The following CWC22 variants were observed in gnomAD, a reference collection of about 807,000 sequenced individuals.
CWC22 encodes the protein pre-mRNA-splicing factor CWC22 homolog.
Under a neutral mutation model 117.2 loss-of-function variants are expected in CWC22, and 53 were observed. The observed-to-expected ratio is 0.45, with a 90% CI of 0.36 to 0.57. CWC22 has a LOEUF of 0.57. Ranked by LOEUF, CWC22 falls within the 20% of genes least tolerant of loss-of-function variation. CWC22 has a pLI of 0.00. For synonymous variants in CWC22, 360 were observed against 355.6 expected (o/e 1.01, Z -0.14); for missense variants, 980 against 1,068.8 (o/e 0.92, Z 1.16).
intron 17 of CWC22, among the ~76,000 whole-genome samples, chr2:179,951,290 CCTT>C (rs1575637398): frequency 6.6e-6 from 1 of 151,382 alleles, no homozygotes; most frequent in Non-Finnish European, 1.5e-5. Context: ...ATTTTAAAAA[CCTT>C]CTCTGTTGTG....
chr2:179,965,814 A>G, intron 12 of CWC22, 64 bp downstream of exon 12: 1 of 1,231,946 alleles, frequency 8.1e-7, no homozygotes, highest in Non-Finnish European at 1.1e-6. Context: ...ATTGTTTTAG[A>G]AGATTACATT....
At chr2:179,982,788 G>C (rs1202311959) in intron 4 of CWC22, among the ~76,000 whole-genome samples, 1 of 152,166 alleles carries the variant, frequency 6.6e-6, no homozygotes, top group East Asian at 1.9e-4. Context: ...TAACGGGAAA[G>C]AGCGAATTCT....
chr2:179,993,314 C>G lies in CWC22; in HGVS notation c.27+1G>C. On this transcript the variant is annotated splice_donor_variant, in intron 2 of 19. Coordinates refer to ENST00000410053, the MANE Select transcript of CWC22 (RefSeq NM_020943.3). LOFTEE classifies it high-confidence loss of function. ...CTCCATTTTAAGTTTCAAACACTTACTTTTATCTGTGCCACACTACTTTTC... is the reference window on the plus strand; with the variant it reads ...CTCCATTTTAAGTTTCAAACACTTAGTTTTATCTGTGCCACACTACTTTTC... 1 of 1,563,856 alleles carries G rather than the reference C, an allele frequency of 6.4e-7. No homozygotes were observed. Among genetic ancestry groups the G allele is most frequent in the Non-Finnish European group, 8.7e-7 (1 of 1,151,056 alleles).
chr2:179,974,325 A>G (rs2105532111), intron 6 of CWC22, among the ~76,000 whole-genome samples: 1 of 152,348 alleles, frequency 6.6e-6, no homozygotes, highest in East Asian at 1.9e-4. Context: ...AAATAAAGAA[A>G]CGAATTAAAA....
intron 4 of CWC22, among the ~76,000 whole-genome samples, chr2:179,982,460 G>A (rs564695581): frequency 3.5e-4 from 53 of 152,284 alleles, no homozygotes; most frequent in African/African-American, 1.2e-3. Flanking sequence ...GGCATGAAAA[G>A]AGTGTTTTAA....
chr2:179,989,304 C>A (rs1459020286), intron 2 of CWC22, among the ~76,000 whole-genome samples: 1 of 151,588 alleles, frequency 6.6e-6, no homozygotes, highest in Non-Finnish European at 1.5e-5. Context: ...GTTGCCCAGG[C>A]TGGAGTGCAG....
Position 179,981,601 on chromosome 2 carries a change from A to G in CWC22, c.452+151T>C, listed in dbSNP as rs183792149. Reference sequence around the variant, plus strand: ...AGGGCACGTAGTGTGTGGCTCTCCAATGGAGCTATAAAGTAAAGAGGTCTC... The same window carrying G: ...AGGGCACGTAGTGTGTGGCTCTCCAGTGGAGCTATAAAGTAAAGAGGTCTC... On this transcript the variant is annotated intron_variant, in intron 5 of 19. Transcript: ENST00000410053. 55 of 620,336 alleles carry G rather than the reference A, an allele frequency of 8.9e-5. 1 individual carries two copies. In the Admixed American group the frequency reaches 1.6e-3, roughly 18 times the overall value. The allele number at this position is 620,336 out of a possible 1,614,324, so 38.4% of individuals were successfully genotyped here.
intron 19 of CWC22, among the ~76,000 whole-genome samples, chr2:179,945,943 C>A (rs1036134349): frequency 3.9e-5 from 6 of 152,048 alleles, no homozygotes; most frequent in Admixed American, 2.6e-4. Flanking sequence ...AGTGCAGTGG[C>A]GCAATCTCGG....
At chr2:179,957,842 GAA>G (rs10715734) in intron 14 of CWC22, among the ~76,000 whole-genome samples, 5 of 148,742 alleles carry the variant, frequency 3.4e-5, no homozygotes, top group South Asian at 2.1e-4. Flanking sequence ...ATATACATTA[GAA>G]AAAAAAAAAC....
At position 179,945,143 on chromosome 2, in the gene CWC22, C is replaced by T; in HGVS notation, c.2713G>A (p.Ala905Thr). The T allele has an allele frequency of 6.3e-7, 1 of 1,592,888 alleles. No individual in the cohort carries two copies. The highest frequency in any genetic ancestry group is 1.2e-5 in the South Asian group (1 of 86,456). The change falls in exon 20 of 20, where the codon GCA becomes ACA. Residue 905 changes from alanine to threonine, a missense_variant. Ala to Thr is a moderately conservative substitution (Grantham distance 58). This residue lies in a region of CWC22 where 306 missense variants were observed against 296.8 expected (regional missense o/e 1.03). Transcript: ENST00000410053. Reference sequence around the variant, plus strand: ...ATTTTGTAGAATTATTTTTGTTTTGCTGGAGACTTTTCTCTTCGCCGGTCC... The same window carrying T: ...ATTTTGTAGAATTATTTTTGTTTTGTTGGAGACTTTTCTCTTCGCCGGTCC... Reference protein sequence around the residue: ...NQDRRREKSPAKQK With the variant: ...NQDRRREKSPTKQK
intron 17 of CWC22, among the ~76,000 whole-genome samples, chr2:179,951,165 C>T (rs1034680395): frequency 6.6e-6 from 1 of 151,798 alleles, no homozygotes; most frequent in African/African-American, 2.4e-5. Context: ...TTTTAAAAAA[C>T]TTTTTTTACA....
At chr2:179,985,588 T>C (rs1303776383) in intron 4 of CWC22, among the ~76,000 whole-genome samples, 2 of 152,082 alleles carry the variant, frequency 1.3e-5, no homozygotes, top group South Asian at 2.1e-4. Flanking sequence ...ACCCCTTATC[T>C]GTGGTTTCAC....
rs527445160 is a variant in CWC22 at position 179,999,892 on chromosome 2, T to C, written c.-113-6438A>G. Among the ~76,000 whole-genome samples the C allele has an allele frequency of 2.0e-3, 311 of 152,238 alleles. 2 individuals are homozygous for C. Among genetic ancestry groups the C allele is most frequent in the African/African-American group, 7.0e-3 (291 of 41,542 alleles). On this transcript the variant is annotated intron_variant, in intron 1 of 19. Transcript: ENST00000410053. ...ATTATACAATACAAAATAAAAACTG[T>C]CTTAAAATTATTCTAAATGCCAAAA...
At chr2:179,954,536 T>C (rs1686533862) in intron 15 of CWC22, among the ~76,000 whole-genome samples, 179 bp from the exon 16 acceptor site, 1 of 152,068 alleles carries the variant, frequency 6.6e-6, no homozygotes, top group Non-Finnish European at 1.5e-5. Context: ...ATATATGGTT[T>C]CTAATTACCT....
chr2:179,992,829 C>T (rs541759553), intron 2 of CWC22, among the ~76,000 whole-genome samples: 7 of 152,310 alleles, frequency 4.6e-5, no homozygotes, highest in African/African-American at 1.7e-4. Flanking sequence ...CGCACACTGT[C>T]TAAAGTACAG....
chr2:179,945,426 T>C lies in CWC22; in HGVS notation c.2430A>G (p.Ile810Met), dbSNP rs767921248. 1.2e-6 allele frequency: 2 copies of C among 1,613,184 alleles called. No individual in the cohort carries two copies. Among genetic ancestry groups the C allele is most frequent in the South Asian group, 2.2e-5 (2 of 91,012 alleles). The change falls in exon 20 of 20, where the codon ATA (isoleucine) becomes ATG (methionine). Residue 810 changes from isoleucine to methionine, a missense_variant. Around this residue, in one of 3 missense-constraint regions of CWC22, gnomAD observed 306 missense variants for 296.8 expected, o/e 1.03. Transcript: ENST00000410053. Reference protein sequence around the residue: ...VANDRDQEMHIDLENKHGDPK... With the variant: ...VANDRDQEMHMDLENKHGDPK... The stretch of plus-strand genomic sequence containing the variant: ...GATCACCATGCTTATTTTCCAAATC[T>C]ATATGCATTTCTTGGTCTCTGTCAT...
At chr2:179,977,024 T>C (rs908708693) in intron 6 of CWC22, among the ~76,000 whole-genome samples, 2 of 152,036 alleles carry the variant, frequency 1.3e-5, no homozygotes, top group Non-Finnish European at 2.9e-5. Flanking sequence ...AGTGTGGTGG[T>C]GAGTGCTTGC....
At chr2:179,974,548 A>G (rs565144815) in intron 6 of CWC22, among the ~76,000 whole-genome samples, 7 of 152,368 alleles carry the variant, frequency 4.6e-5, no homozygotes, top group African/African-American at 1.7e-4. Context: ...TTTAGATATG[A>G]CAACTGAATC....
intron 12 of CWC22, 132 bp downstream of exon 12, chr2:179,965,746 T>A (rs1186386922): frequency 2.5e-5 from 18 of 709,614 alleles, no homozygotes; most frequent in Non-Finnish European, 3.5e-5. Flanking sequence ...GCAGCCCTAG[T>A]CTTCACCTCC....
Sources: allele counts gnomAD v4.1 joint callset (sites outside exome capture counted in the v4.1 genomes callset), GRCh38; gene constraint gnomAD v4.1.1; regional missense constraint gnomAD v4.1.1; transcripts MANE v1.5; gene names NCBI Gene and HGNC (gene_info 2026-07-23, HGNC 2026-07-21).